Variants in SETD7 observed in about 807,000 individuals in gnomAD.
SETD7 encodes histone-lysine N-methyltransferase SETD7.
Under a neutral mutation model 41.8 loss-of-function variants are expected in SETD7, and 16 were observed. That is an observed-to-expected ratio of 0.38 (90% CI 0.26 to 0.58). SETD7 has a LOEUF of 0.58. Ranked by LOEUF, SETD7 falls within the 20% of genes least tolerant of loss-of-function variation. The pLI is 0.64. For synonymous variants in SETD7, 163 were observed against 169.7 expected, an observed-to-expected ratio of 0.96 and a Z score of 0.31; for missense variants, 346 against 459.7, an observed-to-expected ratio of 0.75 and a Z score of 2.26.
chr4:139,526,005 T>C (rs1313444337), intron 4 of SETD7, among the ~76,000 whole-genome samples: 1 of 151,902 alleles, frequency 6.6e-6, no homozygotes, highest in Non-Finnish European at 1.5e-5. Context: ...TTGAAGTGAA[T>C]GTTTATTTGC....
chr4:139,521,275 A>G (rs1727174742), intron 5 of SETD7, among the ~76,000 whole-genome samples: 4 of 151,948 alleles, frequency 2.6e-5, no homozygotes, highest in Admixed American at 2.0e-4. Context: ...AAAATACAAA[A>G]AATAGCTGGG....
At chr4:139,533,428 A>T in intron 2 of SETD7, 62 bp from the exon 3 acceptor site, 2 of 1,431,962 alleles carry the variant, frequency 1.4e-6, no homozygotes, top group Non-Finnish European at 1.9e-6. Flanking sequence ...CTTAGAAGAA[A>T]GGATCATATC....
At chr4:139,503,094 C>G (rs1179565872), downstream of SETD7, among the ~76,000 whole-genome samples, 3 of 140,762 alleles carry the variant, frequency 2.1e-5, no homozygotes, top group Non-Finnish European at 3.0e-5. Flanking sequence ...AGGAGAATTG[C>G]TTGAACCTGG....
chr4:139,518,889 G>C (rs1727104286), intron 6 of SETD7, among the ~76,000 whole-genome samples: 2 of 152,162 alleles, frequency 1.3e-5, no homozygotes, highest in South Asian at 4.1e-4. Context: ...CCCAGGAGCT[G>C]GTGATGACAG....
intron 2 of SETD7, chr4:139,546,625 A>G (rs1727956279): frequency 2.2e-5 from 9 of 405,840 alleles, no homozygotes; most frequent in South Asian, 2.0e-4. Flanking sequence ...AAATCCATCA[A>G]AGAATTGGGT....
At chr4:139,529,834 T>A (rs1560684603) in intron 3 of SETD7, among the ~76,000 whole-genome samples, 1 of 152,334 alleles carries the variant, frequency 6.6e-6, no homozygotes, top group East Asian at 1.9e-4. Flanking sequence ...TCCTATACCA[T>A]CACCTTTTTT....
At chr4:139,505,043 G>C (rs1347773045), downstream of SETD7, among the ~76,000 whole-genome samples, 3 of 152,134 alleles carry the variant, frequency 2.0e-5, no homozygotes, top group Non-Finnish European at 4.4e-5. Flanking sequence ...CATCAGTTTG[G>C]ACCCAGTCAT....
Position 139,508,851 on chromosome 4 carries a change from T to C in SETD7, c.*2812A>G, listed in dbSNP as rs1230928207. ...GGAAACAAACCCTTCCGTCCTCAGC[T>C]GTTAATTCCTTATAGAACCTCCACT... is the stretch of plus-strand genomic sequence containing the variant. On this transcript the variant is annotated 3_prime_UTR_variant, in exon 8 of 8. Coordinates refer to ENST00000274031, the MANE Select transcript of SETD7 (RefSeq NM_030648.4). 6.6e-6 allele frequency: 1 copy of C among 152,172 alleles called. No individual in the cohort carries two copies. Among genetic ancestry groups the C allele is most frequent in the African/African-American group, 2.4e-5 (1 of 41,428 alleles). The allele number at this position is 152,172 out of a possible 1,614,324, so 9.4% of individuals were successfully genotyped here.
exon 8 of SETD7, chr4:139,496,521 A>C: frequency 2.9e-6 from 2 of 701,470 alleles, no homozygotes; most frequent in African/African-American, 3.5e-5. Context: ...TCTTCTGGCC[A>C]CTGAAATTGG....
downstream of SETD7, among the ~76,000 whole-genome samples, chr4:139,503,813 TG>T (rs1207740080): frequency 6.6e-6 from 1 of 152,200 alleles, no homozygotes; most frequent in Non-Finnish European, 1.5e-5. Flanking sequence ...AGCCCCAAAC[TG>T]GTTCAGGCCA....
chr4:139,528,756 C>T (rs908984747), intron 4 of SETD7, among the ~76,000 whole-genome samples: 1 of 152,168 alleles, frequency 6.6e-6, no homozygotes, highest in Admixed American at 6.5e-5. Flanking sequence ...AGAATTAAGA[C>T]AAAGAGAGCT....
At chr4:139,542,631 A>G (rs1209720533) in intron 2 of SETD7, among the ~76,000 whole-genome samples, 1 of 151,716 alleles carries the variant, frequency 6.6e-6, no homozygotes, top group Admixed American at 6.6e-5. Context: ...CTTCTATGGC[A>G]TGGGTTGGGG....
chr4:139,546,456 T>C (rs7660323), intron 2 of SETD7: 48,690 of 201,608 alleles, frequency 0.24, 6,340 homozygotes, highest in East Asian at 0.47. Context: ...GATGCCAGAT[T>C]GTGACATCTG....
In SETD7 at chr4:139,530,162, T is replaced by A. The variant is rs1035523550; in HGVS notation, c.373-942A>T. Among the ~76,000 whole-genome samples, 2 of 149,716 alleles carry A rather than the reference T, an allele frequency of 1.3e-5. 1 individual carries two copies. Among genetic ancestry groups the A allele is most frequent in the South Asian group, 4.2e-4 (2 of 4,746 alleles). On this transcript the variant is annotated intron_variant, in intron 3 of 7. Transcript: ENST00000274031. Reference sequence around the variant, plus strand: ...CCAGAGATGTTTCTTTCTTTCTTTCTTTTTTTTTTCCATCCAGAAGGTCCT... The same window carrying A: ...CCAGAGATGTTTCTTTCTTTCTTTCATTTTTTTTTCCATCCAGAAGGTCCT...
intron 7 of SETD7, among the ~76,000 whole-genome samples, chr4:139,514,479 T>C (rs1230263333): frequency 6.6e-6 from 1 of 152,056 alleles, no homozygotes; most frequent in Admixed American, 6.5e-5. Flanking sequence ...AGAGTGTAGA[T>C]AAGGGACAGA....
intron 4 of SETD7, among the ~76,000 whole-genome samples, chr4:139,527,012 T>C (rs911534448): frequency 2.6e-5 from 4 of 152,246 alleles, no homozygotes; most frequent in Non-Finnish European, 5.9e-5. Flanking sequence ...ATGAAGGGGA[T>C]ACATTTTGAG....
chr4:139,541,954 TATTCACAACAGCCAAG>T (rs1252950243), intron 2 of SETD7, among the ~76,000 whole-genome samples: 1 of 152,230 alleles, frequency 6.6e-6, no homozygotes, highest in Non-Finnish European at 1.5e-5. Context: ...TTTATTGCAC[TATTCACAACAGCCAAG>T]ATATGAAATC....
intron 1 of SETD7, among the ~76,000 whole-genome samples, chr4:139,547,298 C>A (rs924129694): frequency 6.6e-6 from 1 of 152,174 alleles, no homozygotes; most frequent in African/African-American, 2.4e-5. Flanking sequence ...TAGACACATT[C>A]CAGAATATGA....
rs1372227292 is a variant in SETD7, at chr4:139,520,414, G to A, written c.645-20C>T. On this transcript the variant is annotated intron_variant, in intron 5 of 7. Transcript: ENST00000274031. ...TAAACCCTAAATTGAAAAAAGAGTT[G>A]AATAGTGACCTTTTCAGCTTAATAT... is the stretch of plus-strand genomic sequence containing the variant. 9.8e-6 allele frequency: 14 copies of A among 1,435,696 alleles called. No individual in the cohort carries two copies. Among genetic ancestry groups the A allele is most frequent in the Non-Finnish European group, 1.3e-5 (13 of 1,031,502 alleles). The allele number at this position is 1,435,696 out of a possible 1,614,324, so 88.9% of individuals were successfully genotyped here.
Sources: gnomAD v4.1 joint callset for allele counts (sites outside exome capture counted in the v4.1 genomes callset) on GRCh38, gnomAD v4.1.1 for gene constraint, MANE v1.5 for transcripts, NCBI Gene and HGNC (gene_info 2026-07-23, HGNC 2026-07-21) for gene names.